The following ERCC6L variants were observed in gnomAD, a reference collection of about 807,000 sequenced individuals.
ERCC6L encodes DNA excision repair protein ERCC-6-like.
A neutral mutation model predicts 20.1 loss-of-function variants in ERCC6L; 7 were observed. The observed-to-expected ratio is 0.35, with a 90% confidence interval of 0.20 to 0.65. The LOEUF is 0.65. ERCC6L is among the 30% of genes least tolerant of loss of function. ERCC6L has a pLI of 0.69. For synonymous variants in ERCC6L, 278 were observed against 331.3 expected, an observed-to-expected ratio of 0.84 and a Z score of 1.75; for missense variants, 592 against 892.4, an observed-to-expected ratio of 0.66 and a Z score of 4.29.
chrX:72,213,422 C>G (rs773764287), intron 1 of ERCC6L, among the ~76,000 whole-genome samples: 11 of 111,714 alleles, frequency 9.8e-5, no homozygotes, highest in Non-Finnish European at 2.1e-4. Context: ...CCGGGAGGGG[C>G]AACCTCGTCT....
At position 72,206,841 on chromosome X, in the gene ERCC6L, A is replaced by C. The variant is rs1799318199; in HGVS notation, c.1926T>G (p.Leu642=). The part of the protein sequence containing the change: ...DLQNSVTQLQ[L]QSLHAAQRKS... ...TCCTCTGAGCAGCATGCAAAGACTG[A>C]AGCTGCAGCTGGGTTACAGAGTTCT... Residue 642 remains leucine (L), a synonymous_variant, in exon 2 of 2, where the codon CTT becomes CTG. Coordinates refer to ENST00000334463, the MANE Select transcript of ERCC6L (RefSeq NM_017669.4). 8.3e-7 allele frequency: 1 copy of C among 1,211,784 alleles called. No homozygotes were observed.
chrX:72,212,437 C>T (rs1347397597), intron 1 of ERCC6L, among the ~76,000 whole-genome samples: 1 of 111,467 alleles, frequency 9.0e-6, no homozygotes, highest in African/African-American at 3.3e-5. Flanking sequence ...GAGGGTCTGC[C>T]AGTTCAGATG....
intron 1 of ERCC6L, among the ~76,000 whole-genome samples, chrX:72,219,553 A>T (rs1337557928): frequency 9.2e-6 from 1 of 108,123 alleles, no homozygotes; most frequent in African/African-American, 3.4e-5. Flanking sequence ...GCCTCAAAAA[A>T]TATAAATAAA....
intron 1 of ERCC6L, among the ~76,000 whole-genome samples, chrX:72,237,455 G>A (rs1602455372): frequency 9.0e-6 from 1 of 111,395 alleles, no homozygotes. Flanking sequence ...AAAATTAGCC[G>A]GGTGTGTTAG....
Position 72,204,780 on chromosome X carries a change from C to A in ERCC6L, c.*234G>T. 4.0e-6 allele frequency: 1 copy of A among 248,209 alleles called. No homozygotes were observed. Among genetic ancestry groups the A allele is most frequent in the East Asian group, 6.9e-5 (1 of 14,530 alleles). The allele number at this position is 248,209 out of a possible 1,213,427, so 20.5% of individuals were successfully genotyped here. On this transcript the variant is annotated 3_prime_UTR_variant, in exon 2 of 2. Transcript: ENST00000334463. ...TTACAAAACTTTCCAAGAAACAACA[C>A]AGTTAAATTTATAGAATATGCCTAA... is the stretch of plus-strand genomic sequence containing the variant.
At chrX:72,226,172 CACTG>C (rs971424976) in intron 1 of ERCC6L, among the ~76,000 whole-genome samples, 1 of 111,696 alleles carries the variant, frequency 9.0e-6, no homozygotes, top group African/African-American at 3.3e-5. Context: ...CAATTTTAGA[CACTG>C]ACCAACACTC....
chrX:72,223,324 G>A (rs6625983), intron 1 of ERCC6L, among the ~76,000 whole-genome samples: 1,506 of 93,795 alleles, frequency 0.016, 30 homozygotes, highest in Admixed American at 0.081. Context: ...TGGGCAAAAA[G>A]AGTGAAACTC....
At chrX:72,234,949 A>C (rs2043007597) in intron 1 of ERCC6L, among the ~76,000 whole-genome samples, 1 of 111,688 alleles carries the variant, frequency 9.0e-6, no homozygotes, top group African/African-American at 3.3e-5. Context: ...GCCAGGCAGC[A>C]TGAAGGGCCT....
chrX:72,230,435 G>T (rs1235741971), intron 1 of ERCC6L, among the ~76,000 whole-genome samples: 1 of 111,116 alleles, frequency 9.0e-6, no homozygotes, highest in East Asian at 2.9e-4. Flanking sequence ...AACATTCCAA[G>T]CTTGTGATAA....
At chrX:72,220,576 C>T (rs1370821763) in intron 1 of ERCC6L, among the ~76,000 whole-genome samples, 1 of 110,879 alleles carries the variant, frequency 9.0e-6, no homozygotes, top group African/African-American at 3.3e-5. Context: ...CCCAAGATAA[C>T]CCCCCTCTGG....
chrX:72,210,711 C>T (rs2042849457), intron 1 of ERCC6L, among the ~76,000 whole-genome samples: 1 of 111,501 alleles, frequency 9.0e-6, no homozygotes, highest in Non-Finnish European at 1.9e-5. Context: ...TTAGCACCAG[C>T]CTAAAATACT....
In ERCC6L at chrX:72,238,956, T is replaced by TTGGAGCC; in HGVS notation, c.-46_-45insGGCTCCA. On this transcript the variant is annotated 5_prime_UTR_variant, in exon 1 of 2. An upstream open reading frame in the 5' UTR gains an earlier in-frame stop. Transcript: ENST00000334463. ...AGTTACCCCGGCGGGAGTTTGGAGC[T>TTGGAGCC]TGGAGCTTGGAGCTTGGAGCTTGGA... The TTGGAGCC allele has an allele frequency of 1.0e-6, 1 of 968,360 alleles. No homozygotes were observed. Among genetic ancestry groups the TTGGAGCC allele is most frequent in the Admixed American group, 2.6e-5 (1 of 38,232 alleles). 79.8% of individuals were successfully genotyped at this position (968,360 alleles called of 1,213,427 possible). A position where few individuals can be genotyped will look rare whatever the true frequency, so the allele number is the denominator to read the frequency against.
chrX:72,226,203 G>T (rs908823058), intron 1 of ERCC6L, among the ~76,000 whole-genome samples: 1 of 111,180 alleles, frequency 9.0e-6, no homozygotes, highest in African/African-American at 3.3e-5. Flanking sequence ...GAATTTAATT[G>T]AAAGTTCTCT....
intron 1 of ERCC6L, among the ~76,000 whole-genome samples, chrX:72,209,556 C>T (rs1415083160): frequency 9.0e-6 from 1 of 111,622 alleles, no homozygotes; most frequent in Non-Finnish European, 1.9e-5. Flanking sequence ...GCCCCACCCC[C>T]AGGCCAGGCA....
At position 72,236,770 on chromosome X, in the gene ERCC6L, G is replaced by A. The variant is rs138663970; in HGVS notation, c.68+2074C>T. Among the ~76,000 whole-genome samples, 46 of 111,814 alleles carry A rather than the reference G, an allele frequency of 4.1e-4. No homozygotes were observed. In the East Asian group the frequency reaches 8.7e-3, roughly 21 times the overall value. On this transcript the variant is annotated intron_variant, in intron 1 of 1. Transcript: ENST00000334463. ...CTGGTTCATTCAATATCATTTTGCTGCAACACTGATGAGAAAAAAATTGGT... is the reference window on the plus strand; with the variant it reads ...CTGGTTCATTCAATATCATTTTGCTACAACACTGATGAGAAAAAAATTGGT...
At position 72,234,109 on chromosome X, in the gene ERCC6L, C is replaced by CA. The variant is rs1236426608; in HGVS notation, c.68+4734dup. 1.7e-3 allele frequency among the ~76,000 whole-genome samples: 156 copies of CA among 94,000 alleles called. 1 individual carries two copies. The highest frequency in any genetic ancestry group is 5.7e-3 in the Middle Eastern group (1 of 174). 81.6% of individuals were successfully genotyped at this position (94,000 alleles called of 115,157 possible). A position where few individuals can be genotyped will look rare whatever the true frequency, so the allele number is the denominator to read the frequency against. ...TGGGCAACAGAGCAAGACTCCGTCT[C>CA]AAAAAAAAAAAAGAATATGTTCTTT... is the stretch of plus-strand genomic sequence containing the variant. On this transcript the variant is annotated intron_variant, in intron 1 of 1. Coordinates refer to ENST00000334463, the MANE Select transcript of ERCC6L (RefSeq NM_017669.4).
At chrX:72,229,237 T>A (rs1191571595) in intron 1 of ERCC6L, among the ~76,000 whole-genome samples, 1 of 111,229 alleles carries the variant, frequency 9.0e-6, no homozygotes, top group African/African-American at 3.3e-5. Context: ...CGTACTATCA[T>A]TATTAAACAC....
chrX:72,230,123 C>T (rs1165043141), intron 1 of ERCC6L, among the ~76,000 whole-genome samples: 10 of 108,785 alleles, frequency 9.2e-5, no homozygotes, highest in Non-Finnish European at 1.7e-4. Flanking sequence ...TGCAGTGAGC[C>T]GAGATTGCGC....
chrX:72,238,261 C>A (rs923618618), intron 1 of ERCC6L, among the ~76,000 whole-genome samples: 7 of 111,835 alleles, frequency 6.3e-5, no homozygotes, highest in Non-Finnish European at 1.1e-4. Flanking sequence ...CTCATCCCAA[C>A]ATTACCACGC....
Sources: allele counts gnomAD v4.1 joint callset (sites outside exome capture counted in the v4.1 genomes callset), GRCh38; gene constraint gnomAD v4.1.1; transcripts MANE v1.5; gene names NCBI Gene and HGNC (gene_info 2026-07-23, HGNC 2026-07-21).